RUFY2: variants seen among roughly 807,000 people sequenced by gnomAD.
RUFY2 encodes RUN and FYVE domain-containing protein 2.
In RUFY2, 49 loss-of-function variants were observed where a neutral mutation model predicts 94.4. The observed-to-expected ratio is 0.52, with a 90% CI of 0.41 to 0.66. The LOEUF (loss-of-function observed/expected upper bound fraction) is 0.66, where lower values mean the gene tolerates loss of function less well. Ranked by LOEUF, RUFY2 falls within the 30% of genes least tolerant of loss-of-function variation. The pLI is 0.00. For missense variants in RUFY2, 541 were observed against 692.8 expected, an observed-to-expected ratio of 0.78 and a Z score of 2.46; for synonymous variants, 255 against 235.7, an observed-to-expected ratio of 1.08 and a Z score of -0.75.
At chr10:68,383,070 A>G (rs919490604) in intron 10 of RUFY2, among the ~76,000 whole-genome samples, 5 of 152,228 alleles carry the variant, frequency 3.3e-5, no homozygotes, top group African/African-American at 9.6e-5. Context: ...TATGCCTATA[A>G]TCACAGCACT....
chr10:68,357,153 GA>G (rs1275209042), intron 15 of RUFY2, among the ~76,000 whole-genome samples: 1 of 151,662 alleles, frequency 6.6e-6, no homozygotes, highest in East Asian at 2.0e-4. Flanking sequence ...GACAGAGCAA[GA>G]CTCCATCTCA....
chr10:68,382,429 T>A (rs902075588), intron 10 of RUFY2, among the ~76,000 whole-genome samples: 3 of 151,704 alleles, frequency 2.0e-5, no homozygotes, highest in Non-Finnish European at 4.4e-5. Flanking sequence ...TTAAGAAATT[T>A]ATTGGCCTGG....
chr10:68,377,031 G>C, intron 12 of RUFY2, 59 bp from the exon 13 acceptor site: 1 of 1,588,314 alleles, frequency 6.3e-7, no homozygotes, highest in South Asian at 1.2e-5. Flanking sequence ...GTGTAAAAGG[G>C]TGAAGAAGAC....
In RUFY2 at chr10:68,384,078, A is replaced by G. The variant is rs554566982; in HGVS notation, c.795T>C (p.Ile265=). 7.4e-6 allele frequency: 12 copies of G among 1,613,132 alleles called. No homozygotes were observed. Among genetic ancestry groups the G allele is most frequent in the South Asian group, 1.1e-5 (1 of 91,036 alleles). Residue 265 remains isoleucine, a synonymous_variant, in exon 9 of 18, where the codon ATT becomes ATC. Coordinates refer to ENST00000602465, the MANE Select transcript of RUFY2 (RefSeq NM_001330103.2). ...NHQLRSENKL[I]LMKTQQHLEV... is the part of the protein sequence containing the mutation. ...CTAGGTGCTGCTGTGTTTTCATTAA[A>G]ATCAATTTATTTTCACTTCGTAATT... is the stretch of plus-strand genomic sequence containing the variant.
chr10:68,371,141 A>G (rs990293390), intron 13 of RUFY2, among the ~76,000 whole-genome samples: 2 of 151,220 alleles, frequency 1.3e-5, no homozygotes, highest in Non-Finnish European at 3.0e-5. Context: ...CAAAAAAAAA[A>G]AAAAAAAAAG....
In RUFY2 at chr10:68,390,162, A is replaced by T. The variant is rs190619732; in HGVS notation, c.650+2976T>A. On this transcript the variant is annotated intron_variant, in intron 7 of 17. Transcript: ENST00000602465. ...CAGAAATACAAATTACAAAATATACATATATTTCCTACGATTTCTATTAAA... is the reference window on the plus strand; with the variant it reads ...CAGAAATACAAATTACAAAATATACTTATATTTCCTACGATTTCTATTAAA... 2.8e-4 allele frequency among the ~76,000 whole-genome samples: 43 copies of T among 152,324 alleles called. No individual in the cohort carries two copies. In the East Asian group the frequency reaches 3.8e-3, roughly 14 times the overall value.
At chr10:68,354,968 T>C (rs1409872181) in intron 16 of RUFY2, among the ~76,000 whole-genome samples, 1 of 151,854 alleles carries the variant, frequency 6.6e-6, no homozygotes, top group Non-Finnish European at 1.5e-5. Context: ...TGCCTCAGCC[T>C]CCTGAGTGGC....
chr10:68,384,971 T>A (rs1186904941), intron 8 of RUFY2, among the ~76,000 whole-genome samples: 1 of 151,606 alleles, frequency 6.6e-6, no homozygotes, highest in Non-Finnish European at 1.5e-5. Flanking sequence ...TTGGAAAAAT[T>A]AGGCCAATTT....
downstream of RUFY2, chr10:68,341,891 T>C (rs931573196): frequency 6.3e-6 from 10 of 1,587,900 alleles, no homozygotes; most frequent in Non-Finnish European, 8.6e-6. Context: ...TCCGCATATG[T>C]AGTGCAAACT....
intron 1 of RUFY2, chr10:68,405,779 G>C (rs1234785240): frequency 3.4e-6 from 3 of 888,536 alleles, no homozygotes; most frequent in Non-Finnish European, 4.0e-6. Flanking sequence ...TTTTCAAAGA[G>C]AAAATAAAAG....
intron 7 of RUFY2, 72 bp downstream of exon 7, chr10:68,393,066 G>A (rs953896946): frequency 4.8e-5 from 35 of 726,084 alleles, no homozygotes; most frequent in African/African-American, 4.2e-4. Flanking sequence ...AAAGGAATAC[G>A]GTAAGCTGAA....
At chr10:68,393,963 CA>C (rs563142888) in intron 6 of RUFY2, 111 bp downstream of exon 6, 9 of 1,416,192 alleles carry the variant, frequency 6.4e-6, no homozygotes, top group African/African-American at 2.9e-5. Context: ...GAAGAAGTCA[CA>C]GGGGGGAAAA....
chr10:68,364,753 C>T (rs892879571), intron 13 of RUFY2, among the ~76,000 whole-genome samples: 1 of 151,014 alleles, frequency 6.6e-6, no homozygotes, highest in Non-Finnish European at 1.5e-5. Context: ...CAGGGTCTTG[C>T]TATGTTGCCA....
In RUFY2 at chr10:68,363,586, T is replaced by C. The variant is rs764780454; in HGVS notation, c.1550+4A>G. 3 of 1,575,836 alleles carry C rather than the reference T, an allele frequency of 1.9e-6. No homozygotes were observed. Among genetic ancestry groups the C allele is most frequent in the Non-Finnish European group, 2.6e-6 (3 of 1,162,410 alleles). ...CTACTTAGTTGAAGGAAAAAAGAAA[T>C]TACTCGCTAAGCTTGTTGCCGAGTT... On this transcript the variant is annotated splice_donor_region_variant and intron_variant, in intron 15 of 17. Coordinates refer to ENST00000602465, the MANE Select transcript of RUFY2 (RefSeq NM_001330103.2).
intron 13 of RUFY2, among the ~76,000 whole-genome samples, chr10:68,376,288 G>T (rs1347202239): frequency 6.7e-6 from 1 of 148,378 alleles, no homozygotes; most frequent in East Asian, 2.0e-4. Flanking sequence ...TTAGCCAGGC[G>T]TGGTGGCAGG....
At chr10:68,354,915 C>T (rs1358688205) in intron 16 of RUFY2, among the ~76,000 whole-genome samples, 2 of 150,344 alleles carry the variant, frequency 1.3e-5, no homozygotes, top group African/African-American at 2.5e-5. Context: ...GGCATGATCT[C>T]TGCTCATTGC....
At chr10:68,347,055 G>A (rs1480142315) in intron 16 of RUFY2, among the ~76,000 whole-genome samples, 2 of 151,930 alleles carry the variant, frequency 1.3e-5, no homozygotes. Flanking sequence ...GGAGTTTGAG[G>A]CTGCAGTGAA....
chr10:68,367,712 A>G (rs113972238), intron 13 of RUFY2, among the ~76,000 whole-genome samples: 5 of 76,780 alleles, frequency 6.5e-5, no homozygotes, highest in African/African-American at 2.1e-4. Context: ...TTCTTTCTCT[A>G]TCTCTCTCCC....
chr10:68,402,839 CTTTT>C (rs68013041), intron 2 of RUFY2, among the ~76,000 whole-genome samples: 3 of 109,868 alleles, frequency 2.7e-5, no homozygotes, highest in Non-Finnish European at 3.5e-5. Flanking sequence ...CAAGCCATAT[CTTTT>C]TTTTTTTTTT....
Sources: allele counts gnomAD v4.1 joint callset (sites outside exome capture counted in the v4.1 genomes callset), GRCh38; gene constraint gnomAD v4.1.1; transcripts MANE v1.5; gene names NCBI Gene and HGNC (gene_info 2026-07-23, HGNC 2026-07-21).